The following SP140L variants were observed in gnomAD, a reference collection of about 807,000 sequenced individuals.
SP140L encodes the protein SP140 like nuclear body protein, also known as nuclear body protein SP140-like protein.
Under a neutral mutation model 84.3 loss-of-function variants are expected in SP140L, and 64 were observed. That is an observed-to-expected ratio of 0.76 (90% CI 0.62 to 0.94). The LOEUF (loss-of-function observed/expected upper bound fraction) is 0.94. SP140L is among the 40% of genes least tolerant of loss of function. The pLI is 0.00. For missense variants in SP140L, 628 were observed against 692.5 expected (o/e 0.91, Z 1.05); for synonymous variants, 242 against 236.9 (o/e 1.02, Z -0.20).
chr2:230,397,168 G>A (rs1234560694), intron 14 of SP140L, among the ~76,000 whole-genome samples: 1 of 152,190 alleles, frequency 6.6e-6, no homozygotes, highest in African/African-American at 2.4e-5. Context: ...GAGGATAACA[G>A]CATTCTCAAG....
intron 2 of SP140L, among the ~76,000 whole-genome samples, chr2:230,334,893 C>T (rs542701067): frequency 1.6e-3 from 242 of 152,160 alleles, no homozygotes; most frequent in African/African-American, 5.6e-3. Flanking sequence ...TTTTAGTTCT[C>T]ATGCTGACCT....
intron 11 of SP140L, 130 bp downstream of exon 11, chr2:230,390,153 A>G: frequency 1.3e-6 from 1 of 758,054 alleles, no homozygotes; most frequent in Non-Finnish European, 2.2e-6. Flanking sequence ...GGAAGGAGGA[A>G]GGGATCCCTA....
chr2:230,384,487 AT>A (rs2061506310), intron 8 of SP140L, among the ~76,000 whole-genome samples: 1 of 152,222 alleles, frequency 6.6e-6, no homozygotes, highest in Admixed American at 6.5e-5. Flanking sequence ...TTAGAGTCCT[AT>A]TGAAAATTGT....
rs753835828 is a variant in SP140L at position 230,403,006 on chromosome 2, G to A, written c.*110G>A. On this transcript the variant is annotated 3_prime_UTR_variant, in exon 19 of 19. Coordinates refer to ENST00000415673, the MANE Select transcript of SP140L (RefSeq NM_138402.6). ...CATGCAGGGAGAGGCTTTTCTCTGA[G>A]CCTCCCTCATCTGCCCAAAAACAAA... 1 of 835,254 alleles carries A rather than the reference G, an allele frequency of 1.2e-6. No individual in the cohort carries two copies. The highest frequency in any genetic ancestry group is 1.7e-5 in the African/African-American group (1 of 57,180). 51.7% of individuals were successfully genotyped at this position (835,254 alleles called of 1,614,324 possible). A position where few individuals can be genotyped will look rare whatever the true frequency, so the allele number is the denominator to read the frequency against.
chr2:230,382,771 G>T (rs1048152594), intron 7 of SP140L, among the ~76,000 whole-genome samples: 23 of 152,230 alleles, frequency 1.5e-4, no homozygotes, highest in Admixed American at 1.3e-3. Context: ...CCGGGAAGGA[G>T]ATGATCCCTT....
At chr2:230,392,355 C>G in intron 12 of SP140L, 126 bp downstream of exon 12, 1 of 1,445,708 alleles carries the variant, frequency 6.9e-7, no homozygotes. Context: ...AGTTTATCCT[C>G]TCACTCAGGA....
Position 230,402,982 on chromosome 2 carries a change from A to G in SP140L, c.*86A>G. Reference sequence around the variant, plus strand: ...ACTGAGAGCACTTGGGAAATAGCACATGCAGGGAGAGGCTTTTCTCTGAGC... The same window carrying G: ...ACTGAGAGCACTTGGGAAATAGCACGTGCAGGGAGAGGCTTTTCTCTGAGC... On this transcript the variant is annotated 3_prime_UTR_variant, in exon 19 of 19. Coordinates refer to ENST00000415673, the MANE Select transcript of SP140L (RefSeq NM_138402.6). 1 of 1,067,662 alleles carries G rather than the reference A, an allele frequency of 9.4e-7. No homozygotes were observed. The highest frequency in any genetic ancestry group is 1.4e-6 in the Non-Finnish European group (1 of 726,722). The allele number at this position is 1,067,662 out of a possible 1,614,324, so 66.1% of individuals were successfully genotyped here.
At chr2:230,370,879 G>A (rs762311204) in intron 5 of SP140L, 29 bp from the exon 6 acceptor site, 14 of 1,609,930 alleles carry the variant, frequency 8.7e-6, no homozygotes, top group Non-Finnish European at 1.1e-5. Flanking sequence ...GTGAAAATGA[G>A]AAGTGTTCCT....
At chr2:230,397,055 G>A (rs1297145452) in intron 14 of SP140L, among the ~76,000 whole-genome samples, 1 of 152,204 alleles carries the variant, frequency 6.6e-6, no homozygotes, top group Non-Finnish European at 1.5e-5. Context: ...TGGGTAGTGA[G>A]TATGGGAGGC....
rs181283950 is a variant in SP140L at position 230,365,741 on chromosome 2, T to G, written c.523+4044T>G. Among the ~76,000 whole-genome samples the G allele has an allele frequency of 2.0e-4, 30 of 152,258 alleles. No individual in the cohort carries two copies. The East Asian group carries it at 4.0e-3, about 21-fold the overall frequency. On this transcript the variant is annotated intron_variant, in intron 5 of 18. Transcript: ENST00000415673. ...AACATTAGGCTGTTTGAGATCTTTC[T>G]TCTTTCTTGATGTAGGTGTTTATTG...
intron 5 of SP140L, among the ~76,000 whole-genome samples, chr2:230,367,737 T>A (rs1449983495): frequency 6.6e-6 from 1 of 152,172 alleles, no homozygotes; most frequent in East Asian, 1.9e-4. Context: ...CACGAGGCCA[T>A]CCTGGCCAAC....
At chr2:230,328,171 T>C (rs958284457) in intron 1 of SP140L, among the ~76,000 whole-genome samples, 2 of 152,212 alleles carry the variant, frequency 1.3e-5, no homozygotes, top group African/African-American at 4.8e-5. Context: ...GATTTTAATC[T>C]TTTAAATTTT....
intron 5 of SP140L, among the ~76,000 whole-genome samples, chr2:230,367,676 G>A (rs1045830762): frequency 1.3e-4 from 20 of 152,092 alleles, no homozygotes; most frequent in African/African-American, 4.3e-4. Flanking sequence ...GGCTGGGTGC[G>A]GTGGCTCATG....
chr2:230,391,704 A>C (rs1290919664), intron 11 of SP140L: 1 of 187,682 alleles, frequency 5.3e-6, no homozygotes, highest in African/African-American at 2.3e-5. Context: ...CTGCCTCCAC[A>C]TTGCCTCCAG....
rs139185104 is a variant in SP140L at position 230,385,408 on chromosome 2, C to A, written c.784+104C>A. On this transcript the variant is annotated intron_variant, in intron 9 of 18. Transcript: ENST00000415673. The stretch of plus-strand genomic sequence containing the variant: ...TTATTGTTTACTAGTCAAACTTAGT[C>A]AATTTCAGAGCAGTGAAATCTAAAA... 473 of 1,054,034 alleles carry A rather than the reference C, an allele frequency of 4.5e-4. 3 individuals carry two copies. In the African/African-American group the frequency reaches 6.8e-3, roughly 15 times the overall value. The allele number at this position is 1,054,034 out of a possible 1,614,324, so 65.3% of individuals were successfully genotyped here.
At chr2:230,400,055 C>A in intron 14 of SP140L, 72 bp from the exon 15 acceptor site, 1 of 1,532,244 alleles carries the variant, frequency 6.5e-7, no homozygotes, top group South Asian at 1.1e-5. Flanking sequence ...GCAGTGTGTT[C>A]TAGATGCCCA....
chr2:230,388,587 C>T lies in SP140L; in HGVS notation c.813C>T (p.His271=). Residue 271 remains histidine, a synonymous_variant, in exon 10 of 19, where the codon CAC becomes CAT. Coordinates refer to ENST00000415673, the MANE Select transcript of SP140L (RefSeq NM_138402.6). ...GAAAGAGAGGCAAACCTGGAACCCA[C>T]TTTACTCAGAGTGACAGAGCTCCAC... ...RGRKRGKPGT[H]FTQSDRAPQK... 2 of 1,609,618 alleles carry T rather than the reference C, an allele frequency of 1.2e-6. No individual in the cohort carries two copies. Among genetic ancestry groups the T allele is most frequent in the Middle Eastern group, 2.0e-4 (1 of 4,974 alleles).
chr2:230,347,126 G>A (rs1172317047), intron 2 of SP140L, among the ~76,000 whole-genome samples: 3 of 152,172 alleles, frequency 2.0e-5, no homozygotes, highest in Non-Finnish European at 4.4e-5. Context: ...ATCTCTAGTT[G>A]TGCAGGATTA....
At chr2:230,399,250 A>T (rs572602988) in intron 14 of SP140L, among the ~76,000 whole-genome samples, 234 of 152,358 alleles carry the variant, frequency 1.5e-3, no homozygotes, top group Admixed American at 2.5e-3. Context: ...CAACACATGG[A>T]TGCAAATACT....
Sources: allele counts gnomAD v4.1 joint callset (sites outside exome capture counted in the v4.1 genomes callset), GRCh38; gene constraint gnomAD v4.1.1; transcripts MANE v1.5; gene names NCBI Gene and HGNC (gene_info 2026-07-23, HGNC 2026-07-21).